The following PROKR2 variants were observed in gnomAD, a reference collection of about 807,000 sequenced individuals.
PROKR2 encodes G protein-coupled receptor 73-like 1.
Under a neutral mutation model 23.4 loss-of-function variants are expected in PROKR2, and 26 were observed. The ratio of observed to expected loss-of-function variants is 1.11; its 90% CI spans 0.81 to 1.54. The LOEUF (loss-of-function observed/expected upper bound fraction) is 1.54. Among genes scored for constraint, PROKR2 ranks in the 40% most tolerant of loss-of-function variants. The pLI, the probability that PROKR2 is intolerant of heterozygous loss-of-function variation, is 0.00. For synonymous variants in PROKR2, 212 were observed against 201.2 expected, an observed-to-expected ratio of 1.05 and a Z score of -0.45; for missense variants, 453 against 511.5, an observed-to-expected ratio of 0.89 and a Z score of 1.10.
At chr20:5,312,787 C>G (rs376693790) in intron 2 of PROKR2, among the ~76,000 whole-genome samples, 1 of 152,190 alleles carries the variant, frequency 6.6e-6, no homozygotes, top group South Asian at 2.1e-4. Context: ...ACTGCCCCCT[C>G]GAACAGAGCC....
chr20:5,305,656 A>G (rs1483725852), intron 2 of PROKR2, among the ~76,000 whole-genome samples: 1 of 150,902 alleles, frequency 6.6e-6, no homozygotes, highest in Non-Finnish European at 1.5e-5. Context: ...TTACTGATAA[A>G]CGTCCTACCT....
chr20:5,307,471 C>G (rs143719461), intron 2 of PROKR2, among the ~76,000 whole-genome samples: 14 of 152,230 alleles, frequency 9.2e-5, no homozygotes, highest in Non-Finnish European at 1.9e-4. Context: ...TTGAGGCATA[C>G]CACCCTCAAA....
rs73614282 is a variant in PROKR2 at position 5,309,574 on chromosome 20, A to G, written c.458+4338T>C. Among the ~76,000 whole-genome samples the G allele has an allele frequency of 5.5e-3, 833 of 152,346 alleles. 22 individuals carry two copies. The highest frequency in any genetic ancestry group is 0.048 in the East Asian group (248 of 5,188). On this transcript the variant is annotated intron_variant, in intron 2 of 2. Coordinates refer to ENST00000678254, the MANE Select transcript of PROKR2 (RefSeq NM_144773.4). ...ACCCAGATAATCCAGTATAATTTCT[A>G]TATTTTAAGATCAGCTGATTAGCAA... is the stretch of plus-strand genomic sequence containing the variant.
At chr20:5,310,159 A>G (rs999568474) in intron 2 of PROKR2, among the ~76,000 whole-genome samples, 5 of 152,216 alleles carry the variant, frequency 3.3e-5, no homozygotes, top group African/African-American at 4.8e-5. Flanking sequence ...GCTATTGCAC[A>G]TTGTTTAAGC....
At chr20:5,304,064 C>G (rs1373287673) in intron 2 of PROKR2, among the ~76,000 whole-genome samples, 3 of 152,166 alleles carry the variant, frequency 2.0e-5, no homozygotes, top group Non-Finnish European at 1.5e-5. Context: ...CTCTTCTGCA[C>G]CCCCTCCTTA....
In PROKR2 at chr20:5,300,055, T is replaced by A. The variant is rs986007009; in HGVS notation, c.*1985A>T. Among the ~76,000 whole-genome samples, 14 of 152,326 alleles carry A rather than the reference T, an allele frequency of 9.2e-5. No homozygotes were observed. The highest frequency in any genetic ancestry group is 7.2e-4 in the Admixed American group (11 of 15,304). On this transcript the variant is annotated 3_prime_UTR_variant, in exon 3 of 3. Coordinates refer to ENST00000678254, the MANE Select transcript of PROKR2 (RefSeq NM_144773.4). ...TAGAAACAATCAAACAAGCAAACAA[T>A]TAATTCCTTGTCTATAAAAAATTAG...
chr20:5,313,735 G>A (rs1979530472), intron 2 of PROKR2, among the ~76,000 whole-genome samples, 177 bp downstream of exon 2: 1 of 152,242 alleles, frequency 6.6e-6, no homozygotes, highest in African/African-American at 2.4e-5. Flanking sequence ...CCACTCAGCA[G>A]CCCCAGTCTT....
intron 2 of PROKR2, 112 bp downstream of exon 2, chr20:5,313,800 T>A: frequency 1.1e-6 from 1 of 934,658 alleles, no homozygotes; most frequent in Non-Finnish European, 1.7e-6. Flanking sequence ...CCTCTTGCCC[T>A]CCAAAGATTG....
chr20:5,302,794 T>A (rs1807816233), intron 2 of PROKR2, 58 bp from the exon 3 acceptor site: 1 of 1,309,834 alleles, frequency 7.6e-7, no homozygotes, highest in Non-Finnish European at 1.1e-6. Flanking sequence ...CGTTAGTTTG[T>A]AACTAACCCC....
chr20:5,306,421 A>G (rs980149650), intron 2 of PROKR2, among the ~76,000 whole-genome samples: 1 of 152,342 alleles, frequency 6.6e-6, no homozygotes, highest in Non-Finnish European at 1.5e-5. Flanking sequence ...TCATAGATTT[A>G]AAAGACTGTT....
chr20:5,312,674 A>G (rs1030013467), intron 2 of PROKR2, among the ~76,000 whole-genome samples: 4 of 152,210 alleles, frequency 2.6e-5, no homozygotes, highest in Non-Finnish European at 5.9e-5. Flanking sequence ...AGAACAGGGG[A>G]AAAATTTAAG....
At position 5,300,933 on chromosome 20, in the gene PROKR2, T is replaced by A. The variant is rs1978960889; in HGVS notation, c.*1107A>T. ...ACCCATCTCCACCCAAATAAAATGA[T>A]AAGCTTTCAAGCATCAGTGGGAAAG... is the stretch of plus-strand genomic sequence containing the variant. On this transcript the variant is annotated 3_prime_UTR_variant, in exon 3 of 3. Coordinates refer to ENST00000678254, the MANE Select transcript of PROKR2 (RefSeq NM_144773.4). Among the ~76,000 whole-genome samples, 1 of 152,178 alleles carries A rather than the reference T, an allele frequency of 6.6e-6. No homozygotes were observed. The highest frequency in any genetic ancestry group is 1.5e-5 in the Non-Finnish European group (1 of 68,024).
In PROKR2 at chr20:5,302,438, T is replaced by C; in HGVS notation, c.757A>G (p.Lys253Glu). 5 of 1,614,204 alleles carry C rather than the reference T, an allele frequency of 3.1e-6. No individual in the cohort carries two copies. The highest frequency in any genetic ancestry group is 4.2e-6 in the Non-Finnish European group (5 of 1,180,036). ...TCCGTCTGGAACCCAGGGACTGCCT[T>C]GAACCAGAGCTCCCGGGAGATCCTG... Reference protein sequence around the residue: ...YARISRELWFKAVPGFQTEQI... With the variant: ...YARISRELWFEAVPGFQTEQI... The change falls in exon 3 of 3, where the codon AAG (lysine) becomes GAG (glutamate). Residue 253 changes from lysine (K) to glutamate (E), a missense_variant. Physicochemically the swap from Lys to Glu is moderately conservative, Grantham distance 56. Transcript: ENST00000678254.
In PROKR2 at chr20:5,308,730, C is replaced by T. The variant is rs372047696; in HGVS notation, c.458+5182G>A. Among the ~76,000 whole-genome samples, 20 of 152,306 alleles carry T rather than the reference C, an allele frequency of 1.3e-4. No individual in the cohort carries two copies. The East Asian group carries it at 2.7e-3, about 21-fold the overall frequency. ...TCTCAGCAGCTGCCTATAGAAAATT[C>T]TATCCCACTTACCTTTCCTTTGTGA... is the stretch of plus-strand genomic sequence containing the variant. On this transcript the variant is annotated intron_variant, in intron 2 of 2. Transcript: ENST00000678254.
chr20:5,302,416 G>A lies in PROKR2; in HGVS notation c.779C>T (p.Thr260Met), dbSNP rs370738961. ...GCGCAGCCGCTTGCGAATCTGCTCC[G>A]TCTGGAACCCAGGGACTGCCTTGAA... is the stretch of plus-strand genomic sequence containing the variant. Reference protein sequence around the residue: ...LWFKAVPGFQTEQIRKRLRCR... With the variant: ...LWFKAVPGFQMEQIRKRLRCR... The change falls in exon 3 of 3, where the codon ACG becomes ATG. Residue 260 changes from threonine to methionine, a missense_variant. By Grantham distance (81) the Thr-to-Met change is moderately conservative. Transcript: ENST00000678254. 231 of 1,614,086 alleles carry A rather than the reference G, an allele frequency of 1.4e-4. No homozygotes were observed. Among genetic ancestry groups the A allele is most frequent in the Non-Finnish European group, 1.6e-4 (193 of 1,180,050 alleles).
rs1047902898 is a variant in PROKR2 at position 5,301,684 on chromosome 20, G to A, written c.*356C>T. ...GTTTTTGATTGTAATCAAATCAAGT[G>A]TTTTTTATTACAGTAGGTGAAGAGT... On this transcript the variant is annotated 3_prime_UTR_variant, in exon 3 of 3. Coordinates refer to ENST00000678254, the MANE Select transcript of PROKR2 (RefSeq NM_144773.4). Among the ~76,000 whole-genome samples the A allele has an allele frequency of 3.1e-4, 47 of 152,328 alleles. 1 individual carries two copies. Among genetic ancestry groups the A allele is most frequent in the African/African-American group, 1.1e-3 (46 of 41,574 alleles).
At chr20:5,314,405 G>A in intron 1 of PROKR2, 28 bp from the exon 2 acceptor site, 2 of 1,577,962 alleles carry the variant, frequency 1.3e-6, no homozygotes, top group Middle Eastern at 2.0e-4. Context: ...TGAGGGAGGT[G>A]CGAGGGGTGA....
At position 5,300,048 on chromosome 20, in the gene PROKR2, C is replaced by A. The variant is rs1328038119; in HGVS notation, c.*1992G>T. Reference sequence around the variant, plus strand: ...CAAATAATAGAAACAATCAAACAAGCAAACAATTAATTCCTTGTCTATAAA... The same window carrying A: ...CAAATAATAGAAACAATCAAACAAGAAAACAATTAATTCCTTGTCTATAAA... On this transcript the variant is annotated 3_prime_UTR_variant, in exon 3 of 3. Transcript: ENST00000678254. 1.3e-5 allele frequency among the ~76,000 whole-genome samples: 2 copies of A among 152,176 alleles called. No individual in the cohort carries two copies. The highest frequency in any genetic ancestry group is 4.8e-5 in the African/African-American group (2 of 41,444).
rs75133480 is a variant in PROKR2, at chr20:5,309,719, A to C, written c.458+4193T>G. ...GGACATTATTCTGCCTCCCATACTG[A>C]ATCCAAAGGGCTTAGATAATGCAGA... On this transcript the variant is annotated intron_variant, in intron 2 of 2. Transcript: ENST00000678254. 2.2e-3 allele frequency among the ~76,000 whole-genome samples: 332 copies of C among 152,340 alleles called. 4 individuals are homozygous for C. The South Asian group carries it at 0.034, about 16-fold the overall frequency.
Sources: gnomAD v4.1 joint callset for allele counts (sites outside exome capture counted in the v4.1 genomes callset) on GRCh38, gnomAD v4.1.1 for gene constraint, MANE v1.5 for transcripts, NCBI Gene and HGNC (gene_info 2026-07-23, HGNC 2026-07-21) for gene names.